Variants in ZDHHC14 observed in about 807,000 individuals in gnomAD.
The protein encoded by ZDHHC14 is zDHHC palmitoyltransferase 14.
A neutral mutation model predicts 47.7 loss-of-function variants in ZDHHC14; 16 were observed. That is an observed-to-expected ratio of 0.34 (90% CI 0.23 to 0.51). ZDHHC14 has a LOEUF of 0.51. Among genes scored for constraint, ZDHHC14 ranks in the 20% least tolerant of loss-of-function variants. ZDHHC14 has a pLI of 0.97. For missense variants in ZDHHC14, 515 were observed against 662.5 expected (o/e 0.78, Z 2.44); for synonymous variants, 293 against 278.9 (o/e 1.05, Z -0.50).
intron 1 of ZDHHC14, among the ~76,000 whole-genome samples, chr6:157,447,274 G>C (rs938190660): frequency 3.9e-5 from 6 of 152,252 alleles, no homozygotes; most frequent in African/African-American, 1.4e-4. Context: ...GCCTTGCCCA[G>C]GCCCTTCAGT....
intron 5 of ZDHHC14, among the ~76,000 whole-genome samples, chr6:157,638,234 T>G (rs1234628239): frequency 1.3e-5 from 2 of 152,224 alleles, no homozygotes; most frequent in Non-Finnish European, 2.9e-5. Flanking sequence ...GGGTGCCCAC[T>G]GCTGGGATGC....
At chr6:157,498,494 C>T (rs977514202) in intron 1 of ZDHHC14, among the ~76,000 whole-genome samples, 20 of 152,094 alleles carry the variant, frequency 1.3e-4, no homozygotes, top group African/African-American at 4.8e-4. Context: ...GTGTATCTTT[C>T]AGCCGGTATT....
chr6:157,501,379 G>A (rs1425810612), intron 1 of ZDHHC14, among the ~76,000 whole-genome samples: 2 of 152,172 alleles, frequency 1.3e-5, no homozygotes, highest in South Asian at 2.1e-4. Context: ...AATGTGATTT[G>A]GGGGAAGTGT....
chr6:157,429,487 T>C (rs1288139852), intron 1 of ZDHHC14, among the ~76,000 whole-genome samples: 1 of 151,860 alleles, frequency 6.6e-6, no homozygotes, highest in South Asian at 2.1e-4. Flanking sequence ...TTGAGGATGA[T>C]TGACTCATTT....
chr6:157,431,457 G>A (rs1054230076), intron 1 of ZDHHC14, among the ~76,000 whole-genome samples: 12 of 152,324 alleles, frequency 7.9e-5, no homozygotes, highest in South Asian at 2.1e-4. Flanking sequence ...GCAAGGGAAC[G>A]CACTGTGTTG....
rs1172944171 is a variant in ZDHHC14, at chr6:157,381,925, GGGGCGGCC to G, written c.-86_-79del. 5 of 965,802 alleles carry G rather than the reference GGGGCGGCC, an allele frequency of 5.2e-6. No individual in the cohort carries two copies. The African/African-American group carries it at 7.2e-5, about 14-fold the overall frequency. 59.8% of individuals were successfully genotyped at this position (965,802 alleles called of 1,614,324 possible). A position where few individuals can be genotyped will look rare whatever the true frequency, so the allele number is the denominator to read the frequency against. ...TAGGGGCCGCGGCGCCGCGGCTCGGGGGGCGGCCGGGCGGCCGGCGGCGGTCGTGGCTC... is the reference window on the plus strand; with the variant it reads ...TAGGGGCCGCGGCGCCGCGGCTCGGGGGGCGGCCGGCGGCGGTCGTGGCTC... On this transcript the variant is annotated 5_prime_UTR_variant, in exon 1 of 9. Coordinates refer to ENST00000359775, the MANE Select transcript of ZDHHC14 (RefSeq NM_024630.3).
At chr6:157,636,661 C>A (rs1028836962) in intron 5 of ZDHHC14, among the ~76,000 whole-genome samples, 1 of 152,192 alleles carries the variant, frequency 6.6e-6, no homozygotes, top group African/African-American at 2.4e-5. Flanking sequence ...ACCCCATTCC[C>A]CCTGGAGAAA....
intron 1 of ZDHHC14, among the ~76,000 whole-genome samples, chr6:157,505,062 G>A (rs1195651260): frequency 2.0e-5 from 3 of 152,068 alleles, no homozygotes; most frequent in Non-Finnish European, 4.4e-5. Context: ...CACCCGCCTG[G>A]GCCTCCCAAA....
chr6:157,566,536 C>T (rs916365228), intron 2 of ZDHHC14, among the ~76,000 whole-genome samples: 5 of 152,198 alleles, frequency 3.3e-5, no homozygotes, highest in East Asian at 1.9e-4. Context: ...CCTGAAGAAG[C>T]GCTGGACAAA....
intron 1 of ZDHHC14, among the ~76,000 whole-genome samples, chr6:157,426,914 G>A (rs771039480): frequency 1.3e-5 from 2 of 152,208 alleles, no homozygotes; most frequent in Non-Finnish European, 2.9e-5. Context: ...TGACAGCTGG[G>A]GCTGAGGGAC....
intron 1 of ZDHHC14, among the ~76,000 whole-genome samples, chr6:157,497,749 G>C (rs9457611): frequency 0.19 from 29,042 of 152,114 alleles, 3,152 homozygotes; most frequent in Admixed American, 0.32. Context: ...AACCCAACAC[G>C]CTCATTTTCA....
intron 1 of ZDHHC14, among the ~76,000 whole-genome samples, chr6:157,457,578 G>A (rs948848269): frequency 6.6e-6 from 1 of 152,162 alleles, no homozygotes; most frequent in Non-Finnish European, 1.5e-5. Flanking sequence ...AATCATTTAA[G>A]TATTATACCA....
chr6:157,389,984 ATTTATC>A (rs1321628378), intron 1 of ZDHHC14, among the ~76,000 whole-genome samples: 1 of 152,126 alleles, frequency 6.6e-6, no homozygotes, highest in Non-Finnish European at 1.5e-5. Context: ...GGACTTTTAT[ATTTATC>A]TTCATGTATT....
chr6:157,512,614 GGGA>G (rs1780535051), intron 1 of ZDHHC14, among the ~76,000 whole-genome samples: 1 of 152,116 alleles, frequency 6.6e-6, no homozygotes, highest in African/African-American at 2.4e-5. Context: ...AGGCAGATGT[GGGA>G]GGATAGCTTG....
intron 2 of ZDHHC14, among the ~76,000 whole-genome samples, chr6:157,548,356 C>G (rs1399998594): frequency 6.6e-6 from 1 of 152,202 alleles, no homozygotes; most frequent in African/African-American, 2.4e-5. Flanking sequence ...TTGCACCTGC[C>G]GGTGTGGGGG....
chr6:157,406,778 G>A (rs1005239823), intron 1 of ZDHHC14, among the ~76,000 whole-genome samples: 5 of 152,194 alleles, frequency 3.3e-5, no homozygotes, highest in Non-Finnish European at 7.3e-5. Context: ...TGAACAAACC[G>A]CGCAGCTGAA....
At position 157,672,906 on chromosome 6, in the gene ZDHHC14, C is replaced by A; in HGVS notation, c.1251C>A (p.Asn417Lys). The change falls in exon 9 of 9, where the codon AAC (asparagine) becomes AAA (lysine). Residue 417 changes from asparagine (N) to lysine (K), a missense_variant. Asn to Lys is a moderately conservative substitution (Grantham distance 94). Transcript: ENST00000359775. ...GPPTPPASMP[N>K]LAEATLADVM... ...CCACACCGCCCGCCTCCATGCCCAA[C>A]CTCGCCGAGGCCACGCTCGCGGACG... 6.2e-7 allele frequency: 1 copy of A among 1,605,600 alleles called. No homozygotes were observed.
intron 3 of ZDHHC14, among the ~76,000 whole-genome samples, chr6:157,601,435 T>C (rs1784332544): frequency 6.6e-6 from 1 of 152,122 alleles, no homozygotes; most frequent in Non-Finnish European, 1.5e-5. Flanking sequence ...AGAGCAATAA[T>C]AACAGTACCA....
intron 4 of ZDHHC14, chr6:157,630,609 T>C (rs1361572931): frequency 7.2e-6 from 1 of 138,878 alleles, no homozygotes; most frequent in African/African-American, 2.8e-5. Flanking sequence ...GTAGCCACAC[T>C]CATGTATAAC....
Sources: gnomAD v4.1 joint callset for allele counts (sites outside exome capture counted in the v4.1 genomes callset) on GRCh38, gnomAD v4.1.1 for gene constraint, MANE v1.5 for transcripts, NCBI Gene and HGNC (gene_info 2026-07-23, HGNC 2026-07-21) for gene names.